The following DIP2C variants were observed in gnomAD, a reference collection of about 807,000 sequenced individuals.
DIP2C encodes disco-interacting protein 2 homolog C.
A neutral mutation model predicts 192.4 loss-of-function variants in DIP2C; 33 were observed. The observed-to-expected ratio is 0.17, with a 90% confidence interval of 0.13 to 0.23. The LOEUF is 0.23. Ranked by LOEUF, DIP2C falls within the 10% of genes least tolerant of loss-of-function variation. DIP2C has a pLI of 1.00. For synonymous variants in DIP2C, 979 were observed against 864.1 expected (o/e 1.13, Z -2.33); for missense variants, 1,537 against 2,110.1 (o/e 0.73, Z 5.32).
intron 17 of DIP2C, among the ~76,000 whole-genome samples, chr10:372,242 T>G (rs80330205): frequency 1.3e-5 from 2 of 152,064 alleles, no homozygotes; most frequent in Non-Finnish European, 2.9e-5. Context: ...AGCCAGTTAA[T>G]TTTTTTGCTA....
At chr10:435,974 T>A (rs1564709344) in intron 4 of DIP2C, among the ~76,000 whole-genome samples, 1 of 151,412 alleles carries the variant, frequency 6.6e-6, no homozygotes, top group African/African-American at 2.4e-5. Flanking sequence ...TATATATAAA[T>A]ATATAAACAG....
chr10:498,723 C>G (rs1443600353), intron 1 of DIP2C, among the ~76,000 whole-genome samples: 3 of 152,180 alleles, frequency 2.0e-5, no homozygotes, highest in Non-Finnish European at 4.4e-5. Flanking sequence ...TCCCCAAGTA[C>G]AAAACCTCCT....
intron 29 of DIP2C, among the ~76,000 whole-genome samples, chr10:332,344 G>A (rs1274581548): frequency 6.6e-6 from 1 of 152,194 alleles, no homozygotes; most frequent in Non-Finnish European, 1.5e-5. Context: ...TTCCTGGCCA[G>A]AGAATTTCAA....
Position 651,521 on chromosome 10 carries a change from A to T in DIP2C, c.85+37973T>A, listed in dbSNP as rs1316688725. On this transcript the variant is annotated intron_variant, in intron 1 of 36. Coordinates refer to ENST00000280886, the MANE Select transcript of DIP2C (RefSeq NM_014974.3). The surrounding 1 kb of genome is among the most constrained non-coding windows in gnomAD (Gnocchi z 4.1). Reference sequence around the variant, plus strand: ...AAATCCGTATCCACGTGAAGGTATTATGCAAAAAAAGCTTAACTTTGTTTC... The same window carrying T: ...AAATCCGTATCCACGTGAAGGTATTTTGCAAAAAAAGCTTAACTTTGTTTC... 4.0e-6 allele frequency: 2 copies of T among 505,138 alleles called. No individual in the cohort carries two copies. Among genetic ancestry groups the T allele is most frequent in the African/African-American group, 3.9e-5 (2 of 51,940 alleles). The allele number at this position is 505,138 out of a possible 1,614,324, so 31.3% of individuals were successfully genotyped here.
chr10:286,513 G>A (rs892192659), intron 33 of DIP2C, among the ~76,000 whole-genome samples, 166 bp from the exon 34 acceptor site: 3 of 151,126 alleles, frequency 2.0e-5, no homozygotes, highest in African/African-American at 7.4e-5. Context: ...TACAACCACA[G>A]CCTCACAATC....
chr10:602,685 T>C (rs1852170457), intron 1 of DIP2C, among the ~76,000 whole-genome samples: 1 of 152,216 alleles, frequency 6.6e-6, no homozygotes, highest in Admixed American at 6.5e-5. Context: ...CAGACAGTCA[T>C]GTTACAACAT....
rs77995659 is a variant in DIP2C, at chr10:381,613, A to C, written c.1991+1034T>G. Among the ~76,000 whole-genome samples the C allele has an allele frequency of 6.1e-3, 924 of 152,300 alleles. 4 individuals carry two copies. The highest frequency in any genetic ancestry group is 0.014 in the Middle Eastern group (4 of 294). ...GACCTGACATGCGTGCCCACGTGCA[A>C]CACCAGGCAAGACAGTGGGAGGGAG... On this transcript the variant is annotated intron_variant, in intron 17 of 36. Transcript: ENST00000280886.
At chr10:459,933 C>T (rs141902306) in intron 3 of DIP2C, among the ~76,000 whole-genome samples, 1 of 145,806 alleles carries the variant, frequency 6.9e-6, no homozygotes, top group African/African-American at 2.6e-5. Flanking sequence ...GGGAACCAAC[C>T]ACCTGCTGCA....
chr10:294,613 G>A (rs907612361), intron 32 of DIP2C, among the ~76,000 whole-genome samples: 1 of 147,886 alleles, frequency 6.8e-6, no homozygotes, highest in Non-Finnish European at 1.5e-5. Context: ...AAAAAAAAAA[G>A]AGAAGAAAAA....
chr10:372,688 C>T (rs569863054), intron 17 of DIP2C, among the ~76,000 whole-genome samples: 1 of 149,814 alleles, frequency 6.7e-6, no homozygotes, highest in Admixed American at 6.6e-5. Flanking sequence ...GCAGGAGGTC[C>T]CGACACACAG....
intron 1 of DIP2C, among the ~76,000 whole-genome samples, chr10:530,916 C>A (rs969571353): frequency 6.6e-6 from 1 of 152,280 alleles, no homozygotes; most frequent in South Asian, 2.1e-4. Context: ...TTTAGAGGAA[C>A]GCTGCCCACG....
intron 1 of DIP2C, among the ~76,000 whole-genome samples, chr10:669,809 T>C (rs1043427926): frequency 2.0e-5 from 3 of 152,256 alleles, no homozygotes; most frequent in African/African-American, 7.2e-5. Flanking sequence ...CAGCTTAAAC[T>C]AGTCATGTGA....
intron 3 of DIP2C, among the ~76,000 whole-genome samples, chr10:459,995 G>A (rs953509083): frequency 1.3e-5 from 2 of 151,026 alleles, no homozygotes; most frequent in South Asian, 2.1e-4. Context: ...CCTGCTGCAC[G>A]TGAGCTCTAG....
At chr10:435,948 T>C (rs1180326700) in intron 4 of DIP2C, among the ~76,000 whole-genome samples, 1 of 151,682 alleles carries the variant, frequency 6.6e-6, no homozygotes, top group Non-Finnish European at 1.5e-5. Context: ...TTAAACCTAC[T>C]TTGTAGCCTC....
At chr10:476,232 G>A (rs1241076204) in intron 2 of DIP2C, among the ~76,000 whole-genome samples, 1 of 152,172 alleles carries the variant, frequency 6.6e-6, no homozygotes, top group African/African-American at 2.4e-5. Context: ...CCGAGATGGA[G>A]ATGAGGTTCT....
At chr10:619,333 G>A (rs1160082266) in intron 1 of DIP2C, among the ~76,000 whole-genome samples, 1 of 152,210 alleles carries the variant, frequency 6.6e-6, no homozygotes, top group Non-Finnish European at 1.5e-5. Flanking sequence ...GGTCCCACCA[G>A]CTAACGTCGA....
chr10:503,751 C>A (rs1252822838), intron 1 of DIP2C, among the ~76,000 whole-genome samples: 1 of 152,192 alleles, frequency 6.6e-6, no homozygotes, highest in Non-Finnish European at 1.5e-5. Context: ...CTGAGGTCTG[C>A]ATTTGTAACC....
At chr10:650,523 G>T in intron 1 of DIP2C, 1 of 681,790 alleles carries the variant, frequency 1.5e-6, no homozygotes, top group South Asian at 1.6e-5. Flanking sequence ...TGCCCCAGCT[G>T]GTCCCCCCAT....
intron 10 of DIP2C, among the ~76,000 whole-genome samples, chr10:391,222 G>C (rs1448096579): frequency 3.3e-5 from 5 of 152,200 alleles, no homozygotes; most frequent in African/African-American, 1.2e-4. Flanking sequence ...AATTACTGTA[G>C]AGAATAGACA....
Sources: allele counts gnomAD v4.1 joint callset (sites outside exome capture counted in the v4.1 genomes callset), GRCh38; gene constraint gnomAD v4.1.1; non-coding constraint Gnocchi (gnomAD v3.1); transcripts MANE v1.5; gene names NCBI Gene and HGNC (gene_info 2026-07-23, HGNC 2026-07-21).